The following LRP1B variants were observed in gnomAD, a reference collection of about 807,000 sequenced individuals.
The protein encoded by LRP1B is LDL receptor related protein 1B, also known as low-density lipoprotein receptor-related protein 1B.
LRP1B carries 217 observed loss-of-function variants against 556.6 expected under a neutral mutation model. That is an observed-to-expected ratio of 0.39 (90% CI 0.35 to 0.44). LRP1B has a LOEUF of 0.44. Ranked by LOEUF, LRP1B falls within the 20% of genes least tolerant of loss-of-function variation. The pLI, the probability that LRP1B is intolerant of heterozygous loss-of-function variation, is 1.00. For synonymous variants in LRP1B, 2,047 were observed against 1,865.8 expected, an observed-to-expected ratio of 1.10 and a Z score of -2.50; for missense variants, 5,053 against 5,620.8, an observed-to-expected ratio of 0.90 and a Z score of 3.23.
At chr2:140,517,555 T>C (rs912460613) in intron 49 of LRP1B, among the ~76,000 whole-genome samples, 2 of 152,050 alleles carry the variant, frequency 1.3e-5, no homozygotes, top group African/African-American at 4.8e-5. Flanking sequence ...CGAGTTACAC[T>C]GGCAAATCTG....
intron 3 of LRP1B, among the ~76,000 whole-genome samples, chr2:141,479,883 T>C (rs1682854451): frequency 6.6e-6 from 1 of 152,216 alleles, no homozygotes; most frequent in African/African-American, 2.4e-5. Context: ...ATTTAGATGT[T>C]GATTTTTAAA....
At chr2:141,467,128 A>G (rs1033927213) in intron 3 of LRP1B, among the ~76,000 whole-genome samples, 3,884 of 29,920 alleles carry the variant, frequency 0.13, 119 homozygotes, top group East Asian at 0.35. Flanking sequence ...ATATATCTAT[A>G]TATATATATA....
intron 41 of LRP1B, among the ~76,000 whole-genome samples, chr2:140,603,851 T>A (rs572122076): frequency 6.7e-6 from 1 of 150,192 alleles, no homozygotes; most frequent in East Asian, 1.9e-4. Flanking sequence ...TATATTTTAA[T>A]TAACAAAAAG....
chr2:141,129,109 G>T (rs1240024406), intron 7 of LRP1B, among the ~76,000 whole-genome samples: 1 of 151,832 alleles, frequency 6.6e-6, no homozygotes, highest in East Asian at 1.9e-4. Flanking sequence ...ATGAAATAAG[G>T]CAACTTTAAT....
chr2:142,081,498 G>A (rs1387353963), intron 1 of LRP1B, among the ~76,000 whole-genome samples: 1 of 152,108 alleles, frequency 6.6e-6, no homozygotes, highest in Non-Finnish European at 1.5e-5. Context: ...ACAGCAACCA[G>A]AAAGGAGGTA....
chr2:140,957,556 T>G (rs1223281051), intron 18 of LRP1B, among the ~76,000 whole-genome samples: 3 of 151,642 alleles, frequency 2.0e-5, no homozygotes, highest in African/African-American at 7.3e-5. Flanking sequence ...TCAGGAATGT[T>G]AGGTAAAATA....
At chr2:140,312,926 A>C (rs1684372291) in intron 83 of LRP1B, among the ~76,000 whole-genome samples, 1 of 151,950 alleles carries the variant, frequency 6.6e-6, no homozygotes. Flanking sequence ...TAAACTTATA[A>C]ATTATAATTA....
chr2:141,253,909 G>T (rs954116840), intron 4 of LRP1B, among the ~76,000 whole-genome samples: 4 of 151,878 alleles, frequency 2.6e-5, no homozygotes, highest in African/African-American at 9.7e-5. Context: ...TAACTTTGTG[G>T]ATATGTTATA....
rs776238012 is a variant in LRP1B, at chr2:140,514,762, G to A, written c.8160C>T (p.Cys2720=). 3 of 1,605,630 alleles carry A rather than the reference G, an allele frequency of 1.9e-6. No homozygotes were observed. The highest frequency in any genetic ancestry group is 1.7e-5 in the Admixed American group (1 of 59,422). ...CGGAACAAGCAAATTGGTTCCAAGA[G>A]CAAGAAGAATCTAGGAAACAAACAA... ...GRDEFHCDSS[C]SWNQFACSAQ... The change falls in exon 51 of 91, where the codon TGC becomes TGT. Residue 2720 remains cysteine, a synonymous_variant. Coordinates refer to ENST00000389484, the MANE Select transcript of LRP1B (RefSeq NM_018557.3).
intron 51 of LRP1B, among the ~76,000 whole-genome samples, chr2:140,514,273 G>T (rs4588124): frequency 0.69 from 104,975 of 151,640 alleles, 36,842 homozygotes; most frequent in Middle Eastern, 0.82. Flanking sequence ...GCTTGTGGCA[G>T]TATAAATTAG....
chr2:141,039,936 A>C (rs1698647309), intron 11 of LRP1B, among the ~76,000 whole-genome samples: 2 of 152,110 alleles, frequency 1.3e-5, no homozygotes, highest in East Asian at 3.9e-4. Flanking sequence ...GAAACTGAAC[A>C]CTGTTTTCAA....
chr2:140,261,072 A>G (rs947286368), intron 86 of LRP1B, among the ~76,000 whole-genome samples: 4 of 150,692 alleles, frequency 2.7e-5, no homozygotes, highest in African/African-American at 9.9e-5. Flanking sequence ...TATATATAAT[A>G]TATATGATGA....
intron 1 of LRP1B, among the ~76,000 whole-genome samples, chr2:141,826,611 A>G (rs1270267569): frequency 2.6e-5 from 4 of 152,008 alleles, no homozygotes; most frequent in Non-Finnish European, 2.9e-5. Context: ...CGCCCACCTC[A>G]GCCTCCCAAA....
At chr2:141,569,152 CA>C (rs1415689810) in intron 2 of LRP1B, among the ~76,000 whole-genome samples, 1 of 150,964 alleles carries the variant, frequency 6.6e-6, no homozygotes, top group Non-Finnish European at 1.5e-5. Flanking sequence ...CAGATTCTAA[CA>C]AATCTCACCT....
intron 7 of LRP1B, among the ~76,000 whole-genome samples, chr2:141,067,816 C>T (rs1256159249): frequency 6.6e-6 from 1 of 151,890 alleles, no homozygotes; most frequent in Non-Finnish European, 1.5e-5. Flanking sequence ...CCACCTGGTG[C>T]ACAGCTGCTG....
intron 25 of LRP1B, among the ~76,000 whole-genome samples, chr2:140,876,277 G>A (rs949767482): frequency 3.3e-5 from 5 of 152,084 alleles, no homozygotes; most frequent in African/African-American, 1.2e-4. Context: ...GCTATTGACA[G>A]CTTTTAACAA....
intron 2 of LRP1B, among the ~76,000 whole-genome samples, chr2:141,772,823 C>T (rs1256054279): frequency 1.3e-5 from 2 of 152,140 alleles, no homozygotes; most frequent in Non-Finnish European, 2.9e-5. Context: ...TCCTTTTCTG[C>T]CCCTGCATGT....
chr2:141,083,042 T>G (rs187303992), intron 7 of LRP1B, among the ~76,000 whole-genome samples: 1 of 152,308 alleles, frequency 6.6e-6, no homozygotes, highest in Admixed American at 6.5e-5. Flanking sequence ...GCTAATCAAA[T>G]TATTTCTTTG....
chr2:140,653,048 A>C (rs1684745874), intron 41 of LRP1B, among the ~76,000 whole-genome samples: 1 of 152,148 alleles, frequency 6.6e-6, no homozygotes, highest in African/African-American at 2.4e-5. Flanking sequence ...ACCCAGACCA[A>C]AAGAATGAAA....
Sources: gnomAD v4.1 joint callset for allele counts (sites outside exome capture counted in the v4.1 genomes callset) on GRCh38, gnomAD v4.1.1 for gene constraint, MANE v1.5 for transcripts, NCBI Gene and HGNC (gene_info 2026-07-23, HGNC 2026-07-21) for gene names.